L3MBTL4: variants seen among roughly 807,000 people sequenced by gnomAD.
The protein encoded by L3MBTL4 is L3MBTL histone methyl-lysine binding protein 4.
L3MBTL4 carries 70 observed loss-of-function variants against 84.5 expected under a neutral mutation model. The observed-to-expected ratio is 0.83, with a 90% CI of 0.68 to 1.01. The LOEUF (loss-of-function observed/expected upper bound fraction) is 1.01. Among genes scored for constraint, L3MBTL4 ranks in the 50% least tolerant of loss-of-function variants. The pLI is 0.00. For synonymous variants in L3MBTL4, 274 were observed against 259.8 expected, an observed-to-expected ratio of 1.05 and a Z score of -0.52; for missense variants, 715 against 754.8, an observed-to-expected ratio of 0.95 and a Z score of 0.62.
At chr18:6,258,733 C>T (rs184707322) in intron 5 of L3MBTL4, 8 of 152,448 alleles carry the variant, frequency 5.2e-5, no homozygotes, top group Non-Finnish European at 7.3e-5. Context: ...CGGTTCCTGG[C>T]ATGGAGGCAC....
At chr18:6,095,149 G>GT (rs2058589604) in intron 14 of L3MBTL4, among the ~76,000 whole-genome samples, 1 of 152,092 alleles carries the variant, frequency 6.6e-6, no homozygotes, top group Non-Finnish European at 1.5e-5. Flanking sequence ...TATACAGGGT[G>GT]TTTTACATGT....
chr18:6,116,487 C>G (rs2059364934), intron 14 of L3MBTL4, among the ~76,000 whole-genome samples: 1 of 151,728 alleles, frequency 6.6e-6, no homozygotes, highest in African/African-American at 2.4e-5. Context: ...CTTCAGCCTC[C>G]CAATTATCTA....
chr18:6,006,930 T>C (rs2145338267), intron 16 of L3MBTL4, among the ~76,000 whole-genome samples: 2 of 152,296 alleles, frequency 1.3e-5, no homozygotes, highest in Non-Finnish European at 2.9e-5. Context: ...GCTGACATGA[T>C]ATTACAGGAT....
At chr18:6,021,616 T>C (rs2055267518) in intron 16 of L3MBTL4, among the ~76,000 whole-genome samples, 1 of 152,152 alleles carries the variant, frequency 6.6e-6, no homozygotes, top group African/African-American at 2.4e-5. Flanking sequence ...AATAGCAGCA[T>C]TCAGACTATT....
At chr18:6,107,207 G>A (rs957441143) in intron 14 of L3MBTL4, among the ~76,000 whole-genome samples, 1 of 152,168 alleles carries the variant, frequency 6.6e-6, no homozygotes, top group African/African-American at 2.4e-5. Context: ...CTAGTTTGCT[G>A]CAGAGGAGGC....
intron 16 of L3MBTL4, among the ~76,000 whole-genome samples, chr18:6,018,761 A>G (rs2055113632): frequency 6.6e-6 from 1 of 152,364 alleles, no homozygotes; most frequent in East Asian, 1.9e-4. Flanking sequence ...AACCAATGAC[A>G]TGTCTGTGCT....
At chr18:6,071,332 A>G (rs1300223435) in intron 16 of L3MBTL4, among the ~76,000 whole-genome samples, 1 of 151,722 alleles carries the variant, frequency 6.6e-6, no homozygotes, top group East Asian at 1.9e-4. Context: ...TGGAGGTTGC[A>G]GGAAGCCAGG....
chr18:6,086,940 G>A (rs932832623), intron 15 of L3MBTL4, among the ~76,000 whole-genome samples: 2 of 152,124 alleles, frequency 1.3e-5, no homozygotes, highest in Non-Finnish European at 2.9e-5. Context: ...GAATATCGAT[G>A]TCATGAGCGA....
chr18:6,211,451 G>A (rs535711342), intron 12 of L3MBTL4, among the ~76,000 whole-genome samples: 195 of 152,202 alleles, frequency 1.3e-3, no homozygotes, highest in African/African-American at 4.4e-3. Context: ...TGATCAACAC[G>A]TTAATTGAAG....
chr18:5,964,346 C>T (rs2052226930), intron 17 of L3MBTL4, among the ~76,000 whole-genome samples: 1 of 152,192 alleles, frequency 6.6e-6, no homozygotes, highest in Non-Finnish European at 1.5e-5. Flanking sequence ...CTCAGCAGGA[C>T]TCATGTTCTT....
At chr18:6,205,139 C>A (rs73383997) in intron 12 of L3MBTL4, among the ~76,000 whole-genome samples, 1 of 152,042 alleles carries the variant, frequency 6.6e-6, no homozygotes, top group African/African-American at 2.4e-5. Context: ...GATTATTCAG[C>A]GAGCTCAAAG....
chr18:6,202,672 T>C (rs888609145), intron 12 of L3MBTL4, among the ~76,000 whole-genome samples: 1 of 152,154 alleles, frequency 6.6e-6, no homozygotes, highest in Non-Finnish European at 1.5e-5. Context: ...CCATGTGTGG[T>C]AACTCTGAGA....
intron 16 of L3MBTL4, among the ~76,000 whole-genome samples, chr18:5,976,426 G>A (rs1332105347): frequency 2.0e-5 from 3 of 152,190 alleles, no homozygotes; most frequent in Admixed American, 6.5e-5. Context: ...GAAGAGTGCT[G>A]AGCCCATGGC....
At chr18:6,005,208 G>A (rs1312768371) in intron 16 of L3MBTL4, among the ~76,000 whole-genome samples, 4 of 151,394 alleles carry the variant, frequency 2.6e-5, no homozygotes, top group African/African-American at 7.3e-5. Flanking sequence ...GCCAGGTATT[G>A]TGGCTTGTGC....
chr18:6,131,761 G>T (rs2059884425), intron 14 of L3MBTL4, among the ~76,000 whole-genome samples: 1 of 152,188 alleles, frequency 6.6e-6, no homozygotes, highest in South Asian at 2.1e-4. Context: ...GCAAGTGCAT[G>T]TATATAATAT....
At chr18:6,005,194 A>C (rs961818982) in intron 16 of L3MBTL4, among the ~76,000 whole-genome samples, 39 of 151,600 alleles carry the variant, frequency 2.6e-4, no homozygotes, top group African/African-American at 9.2e-4. Context: ...AAATACAAAA[A>C]TTAGCCAGGT....
intron 5 of L3MBTL4, among the ~76,000 whole-genome samples, chr18:6,249,189 A>T (rs1240220031): frequency 3.3e-5 from 5 of 152,218 alleles, no homozygotes; most frequent in Non-Finnish European, 7.3e-5. Context: ...ATACACATAT[A>T]CAAATACACA....
rs546675686 is a variant in L3MBTL4 at position 6,262,219 on chromosome 18, C to T, written c.219+1728G>A. Among the ~76,000 whole-genome samples, 4 of 152,270 alleles carry T rather than the reference C, an allele frequency of 2.6e-5. No homozygotes were observed. The East Asian group carries it at 5.8e-4, about 22-fold the overall frequency. ...CTCCCAACCTGCAGTGGCTCTGTGGCAAGGGCAGGAAGGCGCAGCGGGGAA... is the reference window on the plus strand; with the variant it reads ...CTCCCAACCTGCAGTGGCTCTGTGGTAAGGGCAGGAAGGCGCAGCGGGGAA... On this transcript the variant is annotated intron_variant, in intron 5 of 18. Coordinates refer to ENST00000317931, the MANE Select transcript of L3MBTL4 (RefSeq NM_001330559.2).
chr18:6,088,063 C>T (rs1568097304), intron 15 of L3MBTL4, among the ~76,000 whole-genome samples: 1 of 152,160 alleles, frequency 6.6e-6, no homozygotes, highest in African/African-American at 2.4e-5. Context: ...CCTTTAGCAG[C>T]CTATAGTCTT....
Sources: gnomAD v4.1 joint callset for allele counts (sites outside exome capture counted in the v4.1 genomes callset) on GRCh38, gnomAD v4.1.1 for gene constraint, MANE v1.5 for transcripts, NCBI Gene and HGNC (gene_info 2026-07-23, HGNC 2026-07-21) for gene names.